RICTOR: variants seen among roughly 807,000 people sequenced by gnomAD.
The protein encoded by RICTOR is RPTOR independent companion of MTOR complex 2, also known as rapamycin-insensitive companion of mTOR.
Under a neutral mutation model 214.9 loss-of-function variants are expected in RICTOR, and 49 were observed. That is an observed-to-expected ratio of 0.23 (90% CI 0.18 to 0.29). RICTOR has a LOEUF of 0.29. RICTOR is among the 10% of genes least tolerant of loss of function. The pLI is 1.00. For synonymous variants in RICTOR, 717 were observed against 711.3 expected, an observed-to-expected ratio of 1.01 and a Z score of -0.13; for missense variants, 1,625 against 2,047.0, an observed-to-expected ratio of 0.79 and a Z score of 3.98.
chr5:38,959,072 A>G, intron 22 of RICTOR, 123 bp downstream of exon 22: 1 of 829,464 alleles, frequency 1.2e-6, no homozygotes, highest in Non-Finnish European at 1.8e-6. Context: ...GAGAAACTAA[A>G]ATTTTAAAGT....
Position 38,942,090 on chromosome 5 carries a change from T to A in RICTOR, c.*214A>T, listed in dbSNP as rs1439559176. The A allele has an allele frequency of 2.5e-6, 1 of 393,268 alleles. No homozygotes were observed. Among genetic ancestry groups the A allele is most frequent in the Non-Finnish European group, 4.6e-6 (1 of 216,786 alleles). The allele number at this position is 393,268 out of a possible 1,614,324, so 24.4% of individuals were successfully genotyped here. A position where few individuals can be genotyped will look rare whatever the true frequency, so the allele number is the denominator to read the frequency against. On this transcript the variant is annotated 3_prime_UTR_variant, in exon 38 of 38. Coordinates refer to ENST00000357387, the MANE Select transcript of RICTOR (RefSeq NM_152756.5). The stretch of plus-strand genomic sequence containing the variant: ...CTCTTAAAACTGTGGTAATGAATCA[T>A]GAACCCCTCAAAAGGCTCAACAAAG...
chr5:38,950,485 T>A lies in RICTOR; in HGVS notation c.3363A>T (p.Ser1121=), dbSNP rs1748660189. The A allele has an allele frequency of 6.2e-7, 1 of 1,613,430 alleles. No homozygotes were observed. Among genetic ancestry groups the A allele is most frequent in the Non-Finnish European group, 8.5e-7 (1 of 1,179,674 alleles). ...SSSDPKGGKL[S]SESKTSNRRI... is the part of the protein sequence containing the mutation. ...GCCTGTTGCTTGTCTTACTTTCAGA[T>A]GATAATTTCCCTCCTTTTGGATCAC... Residue 1121 remains serine, a synonymous_variant, in exon 31 of 38, where the codon TCA becomes TCT. Transcript: ENST00000357387.
intron 30 of RICTOR, among the ~76,000 whole-genome samples, chr5:38,951,679 C>T (rs1561448126): frequency 6.6e-6 from 1 of 151,868 alleles, no homozygotes; most frequent in East Asian, 1.9e-4. Flanking sequence ...ATTTTGTACA[C>T]CTAACACCAC....
chr5:39,046,028 A>AAAT (rs1757467685), intron 2 of RICTOR, among the ~76,000 whole-genome samples: 2 of 140,268 alleles, frequency 1.4e-5, no homozygotes, highest in Middle Eastern at 3.6e-3. Context: ...TCTGTCTTTA[A>AAAT]AAATAAATAA....
chr5:38,967,922 C>T (rs2150033660), intron 12 of RICTOR, 21 bp downstream of exon 12: 2 of 1,237,176 alleles, frequency 1.6e-6, no homozygotes, highest in Non-Finnish European at 2.4e-6. Flanking sequence ...TGAAAAGATA[C>T]AAATGTACTT....
chr5:39,002,767 C>T (rs755463765), intron 4 of RICTOR, 101 bp from the exon 5 acceptor site: 31 of 1,158,188 alleles, frequency 2.7e-5, no homozygotes, highest in Non-Finnish European at 3.7e-5. Flanking sequence ...TGCAAAAATT[C>T]TAGTCATGCA....
chr5:38,990,451 T>C (rs1421096589), intron 7 of RICTOR, among the ~76,000 whole-genome samples: 4 of 151,458 alleles, frequency 2.6e-5, no homozygotes, highest in Non-Finnish European at 4.4e-5. Flanking sequence ...ACCTACACAT[T>C]CTGCACGTGT....
chr5:38,977,592 C>CTTTTTTTT (rs34467191), intron 9 of RICTOR, among the ~76,000 whole-genome samples: 1 of 83,222 alleles, frequency 1.2e-5, no homozygotes, highest in Non-Finnish European at 2.2e-5. Context: ...TATGAAACCA[C>CTTTTTTTT]TTTTTTTTTT....
Position 38,941,302 on chromosome 5 carries a change from T to C in RICTOR, c.*1002A>G, listed in dbSNP as rs1216957847. On this transcript the variant is annotated 3_prime_UTR_variant, in exon 38 of 38. Transcript: ENST00000357387. ...ACTTAAGGCTTTTCACTACAATTTT[T>C]CTCAATAACAAGCTTTATTAATGTT... 1 of 230,310 alleles carries C rather than the reference T, an allele frequency of 4.3e-6. No homozygotes were observed. Among genetic ancestry groups the C allele is most frequent in the East Asian group, 6.2e-5 (1 of 16,218 alleles). 14.3% of individuals were successfully genotyped at this position (230,310 alleles called of 1,614,324 possible).
intron 7 of RICTOR, among the ~76,000 whole-genome samples, chr5:38,982,773 C>T (rs867562431): frequency 1.7e-5 from 2 of 117,704 alleles, no homozygotes; most frequent in Non-Finnish European, 3.5e-5. Flanking sequence ...TACATACATA[C>T]ACACATATAT....
chr5:38,944,865 T>C (rs1329946081), intron 35 of RICTOR, 48 bp downstream of exon 35: 1 of 1,554,686 alleles, frequency 6.4e-7, no homozygotes, highest in Non-Finnish European at 8.9e-7. Flanking sequence ...AACCAACTAA[T>C]CAGAACAGTT....
intron 6 of RICTOR, among the ~76,000 whole-genome samples, chr5:38,996,566 G>A (rs761695632): frequency 2.8e-4 from 43 of 152,094 alleles, no homozygotes; most frequent in Admixed American, 9.2e-4. Context: ...GTCTACTGAA[G>A]GAAGAAATAT....
intron 2 of RICTOR, among the ~76,000 whole-genome samples, chr5:39,022,051 T>C (rs1755463651): frequency 6.6e-6 from 1 of 152,188 alleles, no homozygotes; most frequent in Non-Finnish European, 1.5e-5. Context: ...TGTTTTTCAA[T>C]ATAGTACTCA....
At chr5:38,963,561 A>G (rs1749971088) in intron 16 of RICTOR, among the ~76,000 whole-genome samples, 1 of 152,012 alleles carries the variant, frequency 6.6e-6, no homozygotes, top group South Asian at 2.1e-4. Flanking sequence ...TGTGGTAAAT[A>G]CAAGTGCCAC....
chr5:38,954,798 T>C lies in RICTOR; in HGVS notation c.2673A>G (p.Thr891=). The change falls in exon 27 of 38, where the codon ACA becomes ACG. Residue 891 remains threonine (T), a synonymous_variant. Coordinates refer to ENST00000357387, the MANE Select transcript of RICTOR (RefSeq NM_152756.5). ...CCTGTACTTCCAACAAATGGCAGCC[T>C]GTTTTATGGTGTACTAGTTGTCCAT... ...HLYGQLVHHK[T]GCHLLEVQNI... is the part of the protein sequence containing the mutation. 6.2e-7 allele frequency: 1 copy of C among 1,600,912 alleles called. No individual in the cohort carries two copies.
chr5:38,986,478 A>G (rs1042830179), intron 7 of RICTOR, among the ~76,000 whole-genome samples: 9 of 152,228 alleles, frequency 5.9e-5, no homozygotes, highest in African/African-American at 1.9e-4. Flanking sequence ...CAATTCCTAT[A>G]CTAAATTTAA....
At chr5:38,992,913 C>T (rs1035117935) in intron 6 of RICTOR, among the ~76,000 whole-genome samples, 1 of 151,966 alleles carries the variant, frequency 6.6e-6, no homozygotes, top group East Asian at 1.9e-4. Flanking sequence ...GGAACTGACA[C>T]AAAGGAATTA....
At chr5:39,016,366 G>A (rs941877335) in intron 3 of RICTOR, among the ~76,000 whole-genome samples, 2 of 151,750 alleles carry the variant, frequency 1.3e-5, no homozygotes, top group African/African-American at 4.8e-5. Context: ...GAGGGAGGAA[G>A]AGAAAGGTGA....
chr5:39,070,438 C>T (rs1180317110), intron 2 of RICTOR, among the ~76,000 whole-genome samples: 3 of 151,834 alleles, frequency 2.0e-5, no homozygotes, highest in Non-Finnish European at 2.9e-5. Context: ...CACTGCAGTC[C>T]GCAGTCCGGC....
Sources: allele counts gnomAD v4.1 joint callset (sites outside exome capture counted in the v4.1 genomes callset), GRCh38; gene constraint gnomAD v4.1.1; transcripts MANE v1.5; gene names NCBI Gene and HGNC (gene_info 2026-07-23, HGNC 2026-07-21).